The following CCDC40 variants were observed in gnomAD, a reference collection of about 807,000 sequenced individuals.
The protein encoded by CCDC40 is coiled-coil domain 40 molecular ruler complex subunit.
In CCDC40, 104 loss-of-function variants were observed where a neutral mutation model predicts 124.5. The observed-to-expected ratio is 0.84, with a 90% confidence interval of 0.71 to 0.98. The LOEUF is 0.98. Ranked by LOEUF, CCDC40 falls within the 50% of genes least tolerant of loss-of-function variation. CCDC40 has a pLI of 0.00. For missense variants in CCDC40, 1,463 were observed against 1,503.9 expected (o/e 0.97, Z 0.45); for synonymous variants, 580 against 602.9 (o/e 0.96, Z 0.56).
In CCDC40 at chr17:80,089,014, C is replaced by G. The variant is rs1336408398; in HGVS notation, c.2712-750C>G. On this transcript the variant is annotated intron_variant, in intron 16 of 19. Transcript: ENST00000397545. ...TTATTAAAGTAACACACACCCAGCT[C>G]TAAACATTTTAAACTATACAATGCG... 2.6e-5 allele frequency among the ~76,000 whole-genome samples: 4 copies of G among 152,332 alleles called. No individual in the cohort carries two copies. The East Asian group carries it at 7.7e-4, about 29-fold the overall frequency.
At chr17:80,053,216 A>C (rs1163163493) in intron 7 of CCDC40, among the ~76,000 whole-genome samples, 2 of 152,224 alleles carry the variant, frequency 1.3e-5, no homozygotes, top group African/African-American at 4.8e-5. Flanking sequence ...CTGAAAGAGA[A>C]AATAAACCTC....
chr17:80,052,353 G>T (rs2143626200), intron 7 of CCDC40, among the ~76,000 whole-genome samples: 1 of 152,264 alleles, frequency 6.6e-6, no homozygotes, highest in East Asian at 1.9e-4. Context: ...AAAGATGTAG[G>T]CTGGGAGGCT....
chr17:80,048,891 C>T (rs2037502247), intron 5 of CCDC40, 130 bp downstream of exon 5: 2 of 856,216 alleles, frequency 2.3e-6, no homozygotes, highest in Non-Finnish European at 3.8e-6. Context: ...GTTCACTGCA[C>T]CGTTTATTGG....
At chr17:80,037,537 A>C (rs34259539) in intron 1 of CCDC40, among the ~76,000 whole-genome samples, 27,363 of 151,494 alleles carry the variant, frequency 0.18, 3,069 homozygotes, top group East Asian at 0.36. Flanking sequence ...AAAACATAGA[A>C]AAATGTTGAA....
intron 19 of CCDC40, chr17:80,097,907 AAAGAAAAGAAAAGAAAAG>A (rs2038839533): frequency 4.6e-5 from 1 of 21,738 alleles, no homozygotes; most frequent in Non-Finnish European, 9.6e-5. Flanking sequence ...CTCAAAAAGA[AAAGAAAAGAAAAGAAAAG>A]AAAAGAAAAG....
At chr17:80,037,532 A>T (rs1299355638) in intron 1 of CCDC40, among the ~76,000 whole-genome samples, 1 of 151,850 alleles carries the variant, frequency 6.6e-6, no homozygotes, top group Non-Finnish European at 1.5e-5. Flanking sequence ...TGTTTAAAAC[A>T]TAGAAAAATG....
intron 9 of CCDC40, among the ~76,000 whole-genome samples, chr17:80,059,626 C>T (rs1029206051): frequency 6.6e-6 from 1 of 151,228 alleles, no homozygotes; most frequent in African/African-American, 2.4e-5. Flanking sequence ...GTGGCACAAT[C>T]TCAGCTCACT....
At chr17:80,095,203 T>G in intron 17 of CCDC40, 60 bp from the exon 18 acceptor site, 1 of 1,546,234 alleles carries the variant, frequency 6.5e-7, no homozygotes, top group Non-Finnish European at 8.9e-7. Flanking sequence ...CCCCGGCCAC[T>G]CTCTCTGCAG....
At chr17:80,095,487 CCT>C in intron 18 of CCDC40, 36 bp downstream of exon 18, 1 of 1,599,578 alleles carries the variant, frequency 6.3e-7, no homozygotes, top group Non-Finnish European at 8.6e-7. Flanking sequence ...GGCGCCTGCT[CCT>C]CTCTCTGGGA....
chr17:80,099,204 T>C (rs1364302810), intron 19 of CCDC40, among the ~76,000 whole-genome samples: 1 of 151,170 alleles, frequency 6.6e-6, no homozygotes, highest in East Asian at 1.9e-4. Context: ...GACAGGATAA[T>C]GGCGTGAACC....
chr17:80,062,479 G>A (rs1397044369), intron 9 of CCDC40, among the ~76,000 whole-genome samples: 4 of 110,398 alleles, frequency 3.6e-5, no homozygotes, highest in Non-Finnish European at 5.3e-5. Context: ...AACAGGCCCC[G>A]TTGTGTGACG....
rs556810846 is a variant in CCDC40 at position 80,083,212 on chromosome 17, G to C, written c.1989+1154G>C. Among the ~76,000 whole-genome samples, 7 of 151,998 alleles carry C rather than the reference G, an allele frequency of 4.6e-5. No homozygotes were observed. The South Asian group carries it at 1.5e-3, about 32-fold the overall frequency. ...TTGGAGCCATAGCCCCTGCAGGGCA[G>C]TTGGGGAGGGGGGAGGCAGGGAGTC... On this transcript the variant is annotated intron_variant, in intron 12 of 19. Coordinates refer to ENST00000397545, the MANE Select transcript of CCDC40 (RefSeq NM_017950.4).
intron 7 of CCDC40, among the ~76,000 whole-genome samples, chr17:80,053,963 G>A (rs1426507367): frequency 1.3e-5 from 2 of 152,178 alleles, no homozygotes; most frequent in Non-Finnish European, 2.9e-5. Context: ...TCTGGCTGCA[G>A]CCAAATCTGC....
At chr17:80,097,473 T>C (rs2038831820) in intron 19 of CCDC40, 70 bp downstream of exon 19, 1 of 1,555,738 alleles carries the variant, frequency 6.4e-7, no homozygotes, top group East Asian at 2.3e-5. Context: ...AGGTCCTGCG[T>C]CCCCTCTGTG....
Position 80,090,210 on chromosome 17 carries a change from C to A in CCDC40, c.2832+326C>A, listed in dbSNP as rs1314843278. On this transcript the variant is annotated intron_variant, in intron 17 of 19. Transcript: ENST00000397545. ...AACACGGGACGCACGCAGGCACGTG[C>A]ACGAAGAACACGGGACGCGCGCAGG... The A allele has an allele frequency of 5.5e-5, 42 of 760,430 alleles. 3 individuals are homozygous for A. The highest frequency in any genetic ancestry group is 2.8e-4 in the South Asian group (12 of 42,904). 47.1% of individuals were successfully genotyped at this position (760,430 alleles called of 1,614,324 possible).
chr17:80,038,201 G>A lies in CCDC40; in HGVS notation c.93+15G>A, dbSNP rs1255664480. ...AAAGCCACATGGTAAAATTCCCTAT[G>A]GGCAGTTATTCCGGGCTTATATTTA... On this transcript the variant is annotated intron_variant, in intron 2 of 19. Transcript: ENST00000397545. 6.5e-7 allele frequency: 1 copy of A among 1,541,902 alleles called. No individual in the cohort carries two copies. The highest frequency in any genetic ancestry group is 1.4e-5 in the African/African-American group (1 of 73,386).
intron 18 of CCDC40, among the ~76,000 whole-genome samples, chr17:80,096,683 C>T (rs761002124): frequency 9.9e-5 from 15 of 152,196 alleles, no homozygotes; most frequent in Non-Finnish European, 1.8e-4. Context: ...CCCTGCCAGC[C>T]CCACCCCAAA....
chr17:80,070,522 G>T (rs982185772), intron 10 of CCDC40, among the ~76,000 whole-genome samples: 21 of 152,164 alleles, frequency 1.4e-4, no homozygotes, highest in African/African-American at 5.1e-4. Context: ...GATCACTTGA[G>T]TCCAGGAATT....
chr17:80,064,235 G>A (rs562016328), intron 9 of CCDC40, among the ~76,000 whole-genome samples: 61 of 152,316 alleles, frequency 4.0e-4, no homozygotes, highest in African/African-American at 1.5e-3. Flanking sequence ...CGCTGCCCTC[G>A]GCTCCCCCGT....
Sources: gnomAD v4.1 joint callset for allele counts (sites outside exome capture counted in the v4.1 genomes callset) on GRCh38, gnomAD v4.1.1 for gene constraint, MANE v1.5 for transcripts, NCBI Gene and HGNC (gene_info 2026-07-23, HGNC 2026-07-21) for gene names.